The following MTMR8 variants were observed in gnomAD, a reference collection of about 807,000 sequenced individuals.
The protein encoded by MTMR8 is myotubularin related protein 8.
A neutral mutation model predicts 39.3 loss-of-function variants in MTMR8; 65 were observed. The ratio of observed to expected loss-of-function variants is 1.65; its 90% CI spans 1.35 to 2.03. The LOEUF (loss-of-function observed/expected upper bound fraction) is 2.03. Ranked by LOEUF, MTMR8 falls within the 30% of genes most tolerant of loss-of-function variation. The pLI, the probability that MTMR8 is intolerant of heterozygous loss-of-function variation, is 0.00. For synonymous variants in MTMR8, 245 were observed against 185.2 expected (o/e 1.32, Z -2.62); for missense variants, 777 against 538.9 (o/e 1.44, Z -4.37).
At chrX:64,291,724 T>G (rs1442615947) in intron 12 of MTMR8, among the ~76,000 whole-genome samples, 1 of 111,732 alleles carries the variant, frequency 8.9e-6, no homozygotes, top group Non-Finnish European at 1.9e-5. Flanking sequence ...CTTAAGTGCT[T>G]GGGACTCAGA....
At position 64,268,735 on chromosome X, in the gene MTMR8, G is replaced by A. The variant is rs200161319; in HGVS notation, c.1917C>T (p.Asp639=). The A allele has an allele frequency of 6.6e-5, 80 of 1,209,863 alleles. No individual in the cohort carries two copies. The East Asian group carries it at 1.7e-3, about 26-fold the overall frequency. The change falls in exon 14 of 14, where the codon GAC becomes GAT. Residue 639 remains aspartate (D), a synonymous_variant. Coordinates refer to ENST00000374852, the MANE Select transcript of MTMR8 (RefSeq NM_017677.4). ...AGCCCGTAGCCTCAAAGGTGCACAT[G>A]TCTCCAGAGATGCCCATGGCCTCAG... ...GISEAMGISG[D]MCTFEATGFS... is the part of the protein sequence containing the mutation.
intron 12 of MTMR8, among the ~76,000 whole-genome samples, chrX:64,310,205 A>T (rs1922253312): frequency 8.9e-6 from 1 of 111,977 alleles, no homozygotes; most frequent in Admixed American, 9.5e-5. Flanking sequence ...CATTTCGACA[A>T]TGTTCACAGC....
At chrX:64,270,909 G>A (rs1379014617) in intron 13 of MTMR8, 38 bp downstream of exon 13, 3 of 1,192,602 alleles carry the variant, frequency 2.5e-6, no homozygotes, top group Non-Finnish European at 3.4e-6. Flanking sequence ...CTACCCAGAA[G>A]GGGCAAGAAG....
intron 12 of MTMR8, among the ~76,000 whole-genome samples, chrX:64,316,797 A>G (rs1922478696): frequency 9.1e-6 from 1 of 110,273 alleles, no homozygotes; most frequent in African/African-American, 3.3e-5. Context: ...GTAAGGTGTA[A>G]TTTCTCTCCT....
At chrX:64,317,219 C>A (rs996096708) in intron 12 of MTMR8, among the ~76,000 whole-genome samples, 1 of 111,189 alleles carries the variant, frequency 9.0e-6, no homozygotes, top group African/African-American at 3.3e-5. Context: ...CTCAGCTTCT[C>A]GAATCTATAC....
chrX:64,283,247 G>T (rs1485102239), intron 12 of MTMR8, among the ~76,000 whole-genome samples: 1 of 111,826 alleles, frequency 8.9e-6, no homozygotes, highest in Non-Finnish European at 1.9e-5. Context: ...AGTCTGAGAT[G>T]GAACTGCAAG....
At chrX:64,360,515 A>C (rs915164711) in intron 1 of MTMR8, 2 of 140,745 alleles carry the variant, frequency 1.4e-5, no homozygotes, top group Non-Finnish European at 2.8e-5. Flanking sequence ...ACAACAAAAA[A>C]AAATTCCCAA....
intron 8 of MTMR8, among the ~76,000 whole-genome samples, chrX:64,340,578 C>T (rs780684242): frequency 8.1e-5 from 9 of 110,984 alleles, no homozygotes; most frequent in Non-Finnish European, 1.3e-4. Flanking sequence ...AATAGGGGTA[C>T]AAGAAAAAAT....
intron 12 of MTMR8, among the ~76,000 whole-genome samples, chrX:64,322,374 G>C (rs1922674229): frequency 1.8e-5 from 2 of 111,315 alleles, no homozygotes; most frequent in African/African-American, 6.5e-5. Context: ...TCCTTTTACT[G>C]TTATGTCCTT....
At chrX:64,308,459 G>A (rs887377480) in intron 12 of MTMR8, among the ~76,000 whole-genome samples, 2 of 107,964 alleles carry the variant, frequency 1.9e-5, no homozygotes, top group African/African-American at 6.8e-5. Context: ...ATGAGCCACT[G>A]TGCCCAGCTG....
At chrX:64,278,459 GGTTTTTTTTTTT>G (rs1237066712) in intron 12 of MTMR8, among the ~76,000 whole-genome samples, 1 of 49,868 alleles carries the variant, frequency 2.0e-5, no homozygotes, top group African/African-American at 1.1e-4. Flanking sequence ...TTATTTTGCT[GGTTTTTTTTTTT>G]TTTTTTTTTT....
At chrX:64,273,050 C>T (rs749137318) in intron 12 of MTMR8, among the ~76,000 whole-genome samples, 5 of 111,072 alleles carry the variant, frequency 4.5e-5, no homozygotes, top group African/African-American at 6.5e-5. Flanking sequence ...AAGTCTTCTC[C>T]TTAGATTGAA....
At chrX:64,359,373 AG>A in intron 2 of MTMR8, 31 bp downstream of exon 2, 2 of 1,186,157 alleles carry the variant, frequency 1.7e-6, no homozygotes, top group Non-Finnish European at 2.3e-6. Context: ...CAACTCTTTA[AG>A]ACTCTTTGAT....
chrX:64,302,407 C>A (rs1921922533), intron 12 of MTMR8, among the ~76,000 whole-genome samples: 1 of 112,555 alleles, frequency 8.9e-6, no homozygotes, highest in African/African-American at 3.2e-5. Flanking sequence ...TGAGGCAATG[C>A]CTCGCCCTGC....
intron 1 of MTMR8, among the ~76,000 whole-genome samples, chrX:64,368,520 A>G (rs1368267120): frequency 8.9e-6 from 1 of 112,002 alleles, no homozygotes; most frequent in East Asian, 2.8e-4. Flanking sequence ...ATAATTCCCT[A>G]TTTAATAAAT....
chrX:64,392,698 CTTTA>C (rs776247580), intron 1 of MTMR8, among the ~76,000 whole-genome samples: 1 of 111,027 alleles, frequency 9.0e-6, no homozygotes, highest in African/African-American at 3.3e-5. Context: ...ATACACTTTT[CTTTA>C]TGTGTACTGT....
At chrX:64,280,138 ATTCC>A (rs1380641333) in intron 12 of MTMR8, among the ~76,000 whole-genome samples, 1 of 112,233 alleles carries the variant, frequency 8.9e-6, no homozygotes, top group African/African-American at 3.2e-5. Context: ...AAATGGTACC[ATTCC>A]TTCTGAAACT....
chrX:64,337,811 C>T (rs1216808681), intron 8 of MTMR8, among the ~76,000 whole-genome samples: 1 of 111,673 alleles, frequency 9.0e-6, no homozygotes, highest in Non-Finnish European at 1.9e-5. Context: ...AACACAAATG[C>T]TTTCAACTTA....
chrX:64,301,812 G>A (rs904575813), intron 12 of MTMR8, among the ~76,000 whole-genome samples: 2 of 111,728 alleles, frequency 1.8e-5, no homozygotes, highest in African/African-American at 6.5e-5. Context: ...ACCCTCTGTT[G>A]GAATACCCTG....
Sources: gnomAD v4.1 joint callset for allele counts (sites outside exome capture counted in the v4.1 genomes callset) on GRCh38, gnomAD v4.1.1 for gene constraint, MANE v1.5 for transcripts, NCBI Gene and HGNC (gene_info 2026-07-23, HGNC 2026-07-21) for gene names.